Variants in SPTLC3 observed in about 807,000 individuals in gnomAD.
SPTLC3 encodes the protein serine palmitoyltransferase 3.
In SPTLC3, 36 loss-of-function variants were observed where a neutral mutation model predicts 59.3. That is an observed-to-expected ratio of 0.61 (90% CI 0.47 to 0.80). SPTLC3 has a LOEUF of 0.80. Among genes scored for constraint, SPTLC3 ranks in the 30% least tolerant of loss-of-function variants. SPTLC3 has a pLI of 0.00. For missense variants in SPTLC3, 625 were observed against 685.1 expected (o/e 0.91, Z 0.98); for synonymous variants, 257 against 240.8 (o/e 1.07, Z -0.62).
chr20:13,144,109 T>C (rs2038450293), intron 9 of SPTLC3, among the ~76,000 whole-genome samples: 1 of 152,200 alleles, frequency 6.6e-6, no homozygotes, highest in Non-Finnish European at 1.5e-5. Context: ...TCTACTGATC[T>C]TTCCCATGAC....
At position 13,060,499 on chromosome 20, in the gene SPTLC3, A is replaced by T. The variant is rs554639692; in HGVS notation, c.303+11369A>T. Among the ~76,000 whole-genome samples the T allele has an allele frequency of 9.2e-4, 140 of 151,872 alleles. 1 individual carries two copies. The highest frequency in any genetic ancestry group is 3.2e-3 in the African/African-American group (132 of 41,384). On this transcript the variant is annotated intron_variant, in intron 2 of 11. Transcript: ENST00000399002. ...AGGGGTAAGAATGCAGTTTTGTTAC[A>T]TAGATATATTGTGTAGTGGTGAAGT...
chr20:13,076,618 A>AT (rs1988655667), intron 4 of SPTLC3, among the ~76,000 whole-genome samples: 1 of 141,964 alleles, frequency 7.0e-6, no homozygotes, highest in Non-Finnish European at 1.5e-5. Flanking sequence ...TATTATTTTG[A>AT]CAAAAAAAAA....
At chr20:13,079,928 A>G (rs1988781449) in intron 4 of SPTLC3, 1 of 333,222 alleles carries the variant, frequency 3.0e-6, no homozygotes, top group South Asian at 2.3e-5. Context: ...CAGGCTTCTC[A>G]AGCCTGATTC....
intron 9 of SPTLC3, 36 bp downstream of exon 9, chr20:13,126,753 T>C (rs773372058): frequency 3.7e-6 from 6 of 1,610,486 alleles, no homozygotes; most frequent in Non-Finnish European, 3.4e-6. Flanking sequence ...CTCCTGGACC[T>C]CTCTGTCTCC....
At chr20:13,110,029 CA>C in intron 6 of SPTLC3, 82 bp from the exon 7 acceptor site, 5 of 1,196,854 alleles carry the variant, frequency 4.2e-6, no homozygotes, top group Non-Finnish European at 5.8e-6. Context: ...TGAGTGTGAA[CA>C]TAAAACATCT....
At chr20:13,096,647 G>A (rs146681846) in intron 6 of SPTLC3, among the ~76,000 whole-genome samples, 1 of 152,214 alleles carries the variant, frequency 6.6e-6, no homozygotes, top group East Asian at 1.9e-4. Flanking sequence ...TTGGAGGGAG[G>A]GAATTGGTGA....
chr20:13,017,916 C>T (rs572992445), intron 1 of SPTLC3, among the ~76,000 whole-genome samples: 1 of 152,134 alleles, frequency 6.6e-6, no homozygotes, highest in Non-Finnish European at 1.5e-5. Flanking sequence ...GAACCCAGTC[C>T]TTGTAGAGTG....
intron 11 of SPTLC3, chr20:13,164,535 T>C (rs2038959101): frequency 3.4e-6 from 2 of 580,792 alleles, no homozygotes; most frequent in Non-Finnish European, 6.3e-6. Context: ...ATTCATAGTA[T>C]GGAGTTAGAC....
In SPTLC3 at chr20:13,138,471, T is replaced by G. The variant is rs942483460; in HGVS notation, c.1279+11754T>G. 7.2e-5 allele frequency among the ~76,000 whole-genome samples: 11 copies of G among 152,164 alleles called. 1 individual carries two copies. The South Asian group carries it at 2.3e-3, about 31-fold the overall frequency. ...CTTGCGGTTTTTACTTCTATTATGTTAGTCACACACACCCCTAACCCAGCC... is the reference window on the plus strand; with the variant it reads ...CTTGCGGTTTTTACTTCTATTATGTGAGTCACACACACCCCTAACCCAGCC... On this transcript the variant is annotated intron_variant, in intron 9 of 11. Coordinates refer to ENST00000399002, the MANE Select transcript of SPTLC3 (RefSeq NM_018327.4).
intron 1 of SPTLC3, among the ~76,000 whole-genome samples, chr20:13,011,414 C>A (rs1985242556): frequency 6.6e-6 from 1 of 152,220 alleles, no homozygotes; most frequent in African/African-American, 2.4e-5. Context: ...CTACCAGCCC[C>A]TCCAATGATC....
intron 9 of SPTLC3, among the ~76,000 whole-genome samples, chr20:13,142,562 T>C (rs970382329): frequency 6.6e-6 from 1 of 152,198 alleles, no homozygotes; most frequent in Non-Finnish European, 1.5e-5. Flanking sequence ...GAGATTGTAT[T>C]TGCTTTCTAT....
chr20:13,092,348 T>C (rs1013776042), intron 5 of SPTLC3, among the ~76,000 whole-genome samples: 2 of 152,244 alleles, frequency 1.3e-5, no homozygotes, highest in Non-Finnish European at 2.9e-5. Context: ...TCATTGCAAG[T>C]AAGCAAGTAC....
At chr20:13,043,603 T>A (rs1987088555) in intron 1 of SPTLC3, among the ~76,000 whole-genome samples, 3 of 152,208 alleles carry the variant, frequency 2.0e-5, no homozygotes. Flanking sequence ...TCACATGTGC[T>A]CTTCATCCTG....
chr20:13,127,228 G>A (rs1280408357), intron 9 of SPTLC3, among the ~76,000 whole-genome samples: 1 of 152,202 alleles, frequency 6.6e-6, no homozygotes, highest in Non-Finnish European at 1.5e-5. Context: ...GCTAAACTGT[G>A]CTACTTTGCT....
At position 13,090,575 on chromosome 20, in the gene SPTLC3, C is replaced by G. The variant is rs538749290; in HGVS notation, c.608-508C>G. ...ATTTACAGCATGGTGAAAAGTGCAC[C>G]AGTCATAGGTATACAGCTCAATGGA... On this transcript the variant is annotated intron_variant, in intron 4 of 11. Transcript: ENST00000399002. Among the ~76,000 whole-genome samples the G allele has an allele frequency of 9.2e-5, 14 of 152,104 alleles. No homozygotes were observed. In the South Asian group the frequency reaches 2.9e-3, roughly 32 times the overall value.
At chr20:13,108,019 TTGCTAGTA>T (rs1034486356) in intron 6 of SPTLC3, among the ~76,000 whole-genome samples, 2 of 152,192 alleles carry the variant, frequency 1.3e-5, no homozygotes, top group African/African-American at 2.4e-5. Flanking sequence ...CCAAGAGATC[TTGCTAGTA>T]TGCAGCATCT....
intron 9 of SPTLC3, among the ~76,000 whole-genome samples, chr20:13,129,640 CG>C (rs1469150232): frequency 3.3e-5 from 5 of 152,288 alleles, no homozygotes; most frequent in Admixed American, 3.3e-4. Context: ...ATATGTCATC[CG>C]AATCAGTTGC....
chr20:13,072,488 A>G (rs1988481375), intron 3 of SPTLC3, 78 bp downstream of exon 3: 1 of 1,406,272 alleles, frequency 7.1e-7, no homozygotes, highest in Admixed American at 2.5e-5. Context: ...TAGATGACAA[A>G]TCCAAAAAAA....
At chr20:13,164,703 A>C in intron 11 of SPTLC3, 51 bp from the exon 12 acceptor site, 8 of 1,407,298 alleles carry the variant, frequency 5.7e-6, no homozygotes, top group Non-Finnish European at 8.0e-6. Flanking sequence ...TCTGCAAAGC[A>C]GGGCTACTTA....
Sources: allele counts gnomAD v4.1 joint callset (sites outside exome capture counted in the v4.1 genomes callset), GRCh38; gene constraint gnomAD v4.1.1; transcripts MANE v1.5; gene names NCBI Gene and HGNC (gene_info 2026-07-23, HGNC 2026-07-21).